Variants in NEGR1 observed in about 807,000 individuals in gnomAD.
NEGR1 encodes IgLON family member 4.
Under a neutral mutation model 40.9 loss-of-function variants are expected in NEGR1, and 10 were observed. The ratio of observed to expected loss-of-function variants is 0.24; its 90% confidence interval spans 0.15 to 0.42. The LOEUF (loss-of-function observed/expected upper bound fraction) is 0.42. Among genes scored for constraint, NEGR1 ranks in the 10% least tolerant of loss-of-function variants. The pLI, the probability that NEGR1 is intolerant of heterozygous loss-of-function variation, is 1.00. For synonymous variants in NEGR1, 185 were observed against 166.8 expected (o/e 1.11, Z -0.84); for missense variants, 352 against 438.9 (o/e 0.80, Z 1.77).
intron 1 of NEGR1, among the ~76,000 whole-genome samples, chr1:72,248,052 A>G (rs1557597027): frequency 6.6e-6 from 1 of 152,088 alleles, no homozygotes; most frequent in Non-Finnish European, 1.5e-5. Flanking sequence ...AGCTTTTGTG[A>G]GAAGTTGCTC....
chr1:72,269,107 ATAAAC>A (rs1655756489), intron 1 of NEGR1, among the ~76,000 whole-genome samples: 1 of 151,696 alleles, frequency 6.6e-6, no homozygotes, highest in East Asian at 1.9e-4. Context: ...TATAAACTAT[ATAAAC>A]TACTTCTACC....
chr1:71,849,055 C>T (rs1386262617), intron 2 of NEGR1, among the ~76,000 whole-genome samples: 1 of 151,126 alleles, frequency 6.6e-6, no homozygotes, highest in Non-Finnish European at 1.5e-5. Flanking sequence ...TGCCACGGCA[C>T]TCCAGTGTGG....
intron 1 of NEGR1, among the ~76,000 whole-genome samples, chr1:72,047,817 C>G (rs1166824401): frequency 6.6e-6 from 1 of 151,510 alleles, no homozygotes; most frequent in African/African-American, 2.4e-5. Context: ...TTAATTAACA[C>G]TCAAGACTTT....
chr1:71,605,022 A>T (rs1557584384), intron 5 of NEGR1, among the ~76,000 whole-genome samples: 1 of 152,108 alleles, frequency 6.6e-6, no homozygotes, highest in Non-Finnish European at 1.5e-5. Flanking sequence ...ATTTATGTTT[A>T]CCTCATTTGC....
intron 2 of NEGR1, among the ~76,000 whole-genome samples, chr1:71,845,421 T>A (rs904972801): frequency 6.6e-6 from 1 of 151,972 alleles, no homozygotes; most frequent in Non-Finnish European, 1.5e-5. Context: ...AGAAACAAAG[T>A]CCCACATAAT....
intron 3 of NEGR1, among the ~76,000 whole-genome samples, chr1:71,770,158 G>A (rs1052736283): frequency 4.6e-5 from 7 of 152,198 alleles, no homozygotes; most frequent in African/African-American, 1.7e-4. Context: ...TAAAGAACCA[G>A]TCATAGATGA....
chr1:71,850,209 G>A (rs1173863195), intron 2 of NEGR1, among the ~76,000 whole-genome samples: 1 of 152,056 alleles, frequency 6.6e-6, no homozygotes, highest in Non-Finnish European at 1.5e-5. Flanking sequence ...AGACTGGAGT[G>A]CAGTGGTTTG....
chr1:72,249,402 T>C (rs898923584), intron 1 of NEGR1, among the ~76,000 whole-genome samples: 1 of 152,214 alleles, frequency 6.6e-6, no homozygotes, highest in African/African-American at 2.4e-5. Flanking sequence ...ATTTGTCTCA[T>C]CAGCCTCAGT....
At chr1:72,258,227 G>A (rs1252121409) in intron 1 of NEGR1, among the ~76,000 whole-genome samples, 3 of 152,166 alleles carry the variant, frequency 2.0e-5, no homozygotes, top group Non-Finnish European at 2.9e-5. Context: ...GGTGGTAGGT[G>A]CTACTGATAC....
chr1:71,713,132 T>C (rs1029368095), intron 3 of NEGR1, among the ~76,000 whole-genome samples: 2 of 152,240 alleles, frequency 1.3e-5, no homozygotes, highest in Admixed American at 6.5e-5. Flanking sequence ...CTTTAACAAC[T>C]GTTCCTTTGG....
At chr1:72,205,205 T>C (rs1349463456) in intron 1 of NEGR1, among the ~76,000 whole-genome samples, 1 of 152,046 alleles carries the variant, frequency 6.6e-6, no homozygotes, top group Non-Finnish European at 1.5e-5. Flanking sequence ...GGTCAACTTG[T>C]AGTGACTAGG....
intron 4 of NEGR1, among the ~76,000 whole-genome samples, chr1:71,668,415 C>CCAAATGCT (rs781187361): frequency 6.6e-6 from 1 of 152,030 alleles, no homozygotes; most frequent in Non-Finnish European, 1.5e-5. Context: ...GAGGATAGAG[C>CCAAATGCT]CAAATGCTTT....
chr1:72,095,185 A>T (rs561168376), intron 1 of NEGR1, among the ~76,000 whole-genome samples: 5 of 152,002 alleles, frequency 3.3e-5, no homozygotes, highest in Non-Finnish European at 7.4e-5. Context: ...GGATATATAC[A>T]TACATTAGTG....
chr1:71,773,047 G>A (rs1012300367), intron 3 of NEGR1, among the ~76,000 whole-genome samples: 9 of 152,096 alleles, frequency 5.9e-5, no homozygotes, highest in African/African-American at 2.2e-4. Context: ...TTTGGTGAAA[G>A]TATAGTTGAG....
intron 1 of NEGR1, among the ~76,000 whole-genome samples, chr1:72,241,481 C>A (rs1365523037): frequency 2.0e-5 from 3 of 151,040 alleles, no homozygotes; most frequent in East Asian, 1.9e-4. Context: ...CTCTAATGGT[C>A]AAAAGAAAAT....
chr1:71,547,411 G>A (rs1647935141), intron 6 of NEGR1, among the ~76,000 whole-genome samples: 1 of 151,742 alleles, frequency 6.6e-6, no homozygotes, highest in African/African-American at 2.4e-5. Context: ...GTGAAAAAGG[G>A]ATAGGCTGTT....
chr1:72,113,525 T>G (rs920953992), intron 1 of NEGR1, among the ~76,000 whole-genome samples: 7 of 151,628 alleles, frequency 4.6e-5, no homozygotes, highest in African/African-American at 1.7e-4. Context: ...TATGTGTTTG[T>G]GTGTATGTGT....
intron 3 of NEGR1, among the ~76,000 whole-genome samples, chr1:71,743,689 G>A (rs900260379): frequency 6.6e-6 from 1 of 152,060 alleles, no homozygotes; most frequent in East Asian, 1.9e-4. Context: ...TCTTTCCCAG[G>A]TTCTCTGTGT....
intron 4 of NEGR1, among the ~76,000 whole-genome samples, chr1:71,653,549 T>G (rs1392122955): frequency 6.6e-6 from 1 of 152,188 alleles, no homozygotes; most frequent in Non-Finnish European, 1.5e-5. Context: ...TTTAATCAAT[T>G]GACTGTACAC....
Sources: allele counts gnomAD v4.1 joint callset (sites outside exome capture counted in the v4.1 genomes callset), GRCh38; gene constraint gnomAD v4.1.1; transcripts MANE v1.5; gene names NCBI Gene and HGNC (gene_info 2026-07-23, HGNC 2026-07-21).